The following CCNL1 variants were observed in gnomAD, a reference collection of about 807,000 sequenced individuals.
The protein encoded by CCNL1 is cyclin L1, also known as cyclin-L1.
A neutral mutation model predicts 60.6 loss-of-function variants in CCNL1; 13 were observed. That is an observed-to-expected ratio of 0.21 (90% CI 0.14 to 0.34). The LOEUF is 0.34. CCNL1 is among the 10% of genes least tolerant of loss of function. The pLI is 1.00. For missense variants in CCNL1, 481 were observed against 664.3 expected, an observed-to-expected ratio of 0.72 and a Z score of 3.03; for synonymous variants, 270 against 244.3, an observed-to-expected ratio of 1.10 and a Z score of -0.98.
At position 157,160,074 on chromosome 3, in the gene CCNL1, C is replaced by T. The variant is rs1250554309; in HGVS notation, c.21G>A (p.Ser7=). The change falls in exon 1 of 11, where the codon TCG becomes TCA. Residue 7 remains serine, a synonymous_variant. Transcript: ENST00000295926. MASGPH[S]TATAAAAASS... Reference sequence around the variant, plus strand: ...AGGCGGCTGCGGCAGCAGTAGCTGTCGAATGAGGCCCGGACGCCATAGTCT... The same window carrying T: ...AGGCGGCTGCGGCAGCAGTAGCTGTTGAATGAGGCCCGGACGCCATAGTCT... 2 of 1,554,516 alleles carry T rather than the reference C, an allele frequency of 1.3e-6. No homozygotes were observed. Among genetic ancestry groups the T allele is most frequent in the East Asian group, 2.4e-5 (1 of 41,380 alleles).
chr3:157,147,625 T>C lies in CCNL1; in HGVS notation c.*616A>G. ...GCGACTCCCATTTACTTTTTCCATA[T>C]ATACAGTGAAGACTTACAATAGCTC... On this transcript the variant is annotated 3_prime_UTR_variant, in exon 11 of 11. Transcript: ENST00000295926. 1.0e-6 allele frequency: 1 copy of C among 985,360 alleles called. No homozygotes were observed. Among genetic ancestry groups the C allele is most frequent in the Non-Finnish European group, 1.2e-6 (1 of 829,846 alleles). 61.0% of individuals were successfully genotyped at this position (985,360 alleles called of 1,614,324 possible). A position where few individuals can be genotyped will look rare whatever the true frequency, so the allele number is the denominator to read the frequency against.
chr3:157,159,021 A>C, intron 2 of CCNL1, 46 bp from the exon 3 acceptor site: 1 of 1,254,188 alleles, frequency 8.0e-7, no homozygotes, highest in Non-Finnish European at 1.2e-6. Flanking sequence ...GATTAAACTC[A>C]CTTTGAAGAA....
chr3:157,156,904 G>A, intron 3 of CCNL1: 2 of 1,285,118 alleles, frequency 1.6e-6, no homozygotes, highest in Non-Finnish European at 2.0e-6. Context: ...CAAGAAACAG[G>A]AGTTTTTCTA....
At chr3:157,159,026 G>T in intron 2 of CCNL1, 51 bp from the exon 3 acceptor site, 5 of 1,241,530 alleles carry the variant, frequency 4.0e-6, no homozygotes, top group Non-Finnish European at 4.7e-6. Flanking sequence ...AACTCACTTT[G>T]AAGAATAAAA....
rs756754719 is a variant in CCNL1 at position 157,159,490 on chromosome 3, G to C, written c.304-11C>G. ...CGTTGCCATCGCCACCTGCAGACAA[G>C]AGAGGAGAACGGAAGCGCAGGGGTC... On this transcript the variant is annotated splice_polypyrimidine_tract_variant and intron_variant, in intron 1 of 10. Coordinates refer to ENST00000295926, the MANE Select transcript of CCNL1 (RefSeq NM_020307.4). 53 of 1,552,738 alleles carry C rather than the reference G, an allele frequency of 3.4e-5. 1 individual carries two copies. In the South Asian group the frequency reaches 4.9e-4, roughly 14 times the overall value.
chr3:157,158,069 T>A (rs143507013), intron 3 of CCNL1, among the ~76,000 whole-genome samples: 3,649 of 152,350 alleles, frequency 0.024, 67 homozygotes, highest in Non-Finnish European at 0.038. Context: ...GTACTGGAAG[T>A]CACCTGTAGA....
chr3:157,148,833 G>C (rs552398751), intron 10 of CCNL1: 1 of 458,766 alleles, frequency 2.2e-6, no homozygotes, highest in African/African-American at 2.0e-5. Flanking sequence ...TAGTGTCCTA[G>C]AGCTATGCTT....
intron 1 of CCNL1, 77 bp from the exon 2 acceptor site, chr3:157,159,556 C>T: frequency 3.6e-6 from 5 of 1,374,214 alleles, no homozygotes; most frequent in South Asian, 3.6e-5. Flanking sequence ...TTTGTGCCGC[C>T]GATCGCTTCC....
intron 4 of CCNL1, chr3:157,152,502 T>A: frequency 8.6e-7 from 1 of 1,164,492 alleles, no homozygotes; most frequent in Non-Finnish European, 1.1e-6. Context: ...CTTTACTATG[T>A]GATGGGCACC....
chr3:157,159,229 C>T, intron 2 of CCNL1, 176 bp downstream of exon 2: 2 of 662,490 alleles, frequency 3.0e-6, no homozygotes, highest in Non-Finnish European at 5.2e-6. Flanking sequence ...GGCACTTAGG[C>T]TCGTGATCGA....
At chr3:157,147,505 A>G (rs922975779), downstream of CCNL1, 4 of 840,688 alleles carry the variant, frequency 4.8e-6, no homozygotes, top group African/African-American at 7.4e-5. Context: ...AATAGTACTT[A>G]AATCTGACTC....
Position 157,160,064 on chromosome 3 carries a change from C to T in CCNL1, c.31G>A (p.Ala11Thr), listed in dbSNP as rs1213318059. ...GCGGCCGATGAGGCGGCTGCGGCAG[C>T]AGTAGCTGTCGAATGAGGCCCGGAC... MASGPHSTAT[A>T]AAAASSAAPS... The change falls in exon 1 of 11, where the codon GCT becomes ACT. Residue 11 changes from alanine to threonine, a missense_variant. Ala to Thr is a moderately conservative substitution (Grantham distance 58). This residue lies in a region of CCNL1 where 65 missense variants were observed against 57.5 expected (regional missense o/e 1.13). Transcript: ENST00000295926. The T allele has an allele frequency of 1.3e-6, 2 of 1,557,248 alleles. No homozygotes were observed. Among genetic ancestry groups the T allele is most frequent in the Non-Finnish European group, 1.7e-6 (2 of 1,151,142 alleles).
chr3:157,153,641 C>T (rs921091194), intron 3 of CCNL1: 2 of 151,498 alleles, frequency 1.3e-5, no homozygotes, highest in African/African-American at 5.0e-5. Flanking sequence ...ACTGGTAAAA[C>T]AAACAAACAA....
At chr3:157,148,658 A>T (rs548396334) in intron 10 of CCNL1, 69 bp from the exon 11 acceptor site, 7 of 1,404,036 alleles carry the variant, frequency 5.0e-6, no homozygotes, top group Non-Finnish European at 6.7e-6. Context: ...GTGGTTGCTC[A>T]TAACAGGTTC....
At chr3:157,152,456 G>GA in intron 4 of CCNL1, 1 of 1,254,078 alleles carries the variant, frequency 8.0e-7, no homozygotes, top group Non-Finnish European at 1.0e-6. Context: ...AATTGTACAG[G>GA]AAAAAAGGCA....
chr3:157,160,139 A>C lies in CCNL1; in HGVS notation c.-45T>G. The stretch of plus-strand genomic sequence containing the variant: ...CAAGCCCAACGCAGCCGGAACCCGA[A>C]ACAAGACTAACCAGCGTTCTCGGCG... On this transcript the variant is annotated 5_prime_UTR_variant, in exon 1 of 11. Coordinates refer to ENST00000295926, the MANE Select transcript of CCNL1 (RefSeq NM_020307.4). 2 of 1,519,610 alleles carry C rather than the reference A, an allele frequency of 1.3e-6. No individual in the cohort carries two copies. Among genetic ancestry groups the C allele is most frequent in the Non-Finnish European group, 1.8e-6 (2 of 1,131,732 alleles). The allele number at this position is 1,519,610 out of a possible 1,614,324, so 94.1% of individuals were successfully genotyped here.
At chr3:157,153,313 G>A in intron 3 of CCNL1, 157 bp from the exon 4 acceptor site, 1 of 618,960 alleles carries the variant, frequency 1.6e-6, no homozygotes, top group Non-Finnish European at 2.7e-6. Flanking sequence ...TGCTGTCCAA[G>A]TTATGCTAAT....
intron 2 of CCNL1, 200 bp downstream of exon 2, chr3:157,159,205 C>CT (rs1463986054): frequency 3.1e-6 from 2 of 645,022 alleles, no homozygotes; most frequent in Admixed American, 5.9e-5. Context: ...GAAAACTGTA[C>CT]TTTTCGTTAA....
At chr3:157,146,492 G>A (rs1577065714), downstream of CCNL1, 1 of 448,486 alleles carries the variant, frequency 2.2e-6, no homozygotes, top group South Asian at 1.6e-5. Context: ...GCAAAGATTA[G>A]GGACATAAGT....
Sources: allele counts gnomAD v4.1 joint callset (sites outside exome capture counted in the v4.1 genomes callset), GRCh38; gene constraint gnomAD v4.1.1; regional missense constraint gnomAD v4.1.1; transcripts MANE v1.5; gene names NCBI Gene and HGNC (gene_info 2026-07-23, HGNC 2026-07-21).